SDK1: variants seen among roughly 807,000 people sequenced by gnomAD.
The protein encoded by SDK1 is sidekick cell adhesion molecule 1.
Under a neutral mutation model 245.5 loss-of-function variants are expected in SDK1, and 157 were observed. That is an observed-to-expected ratio of 0.64 (90% CI 0.56 to 0.73). SDK1 has a LOEUF of 0.73. Among genes scored for constraint, SDK1 ranks in the 30% least tolerant of loss-of-function variants. SDK1 has a pLI of 0.00. For synonymous variants in SDK1, 1,647 were observed against 1,278.5 expected (o/e 1.29, Z -6.15); for missense variants, 3,583 against 3,002.3 (o/e 1.19, Z -4.52).
chr7:4,268,183 C>G lies in SDK1; in HGVS notation c.*2799C>G, dbSNP rs559126164. ...AGTGGCTGAGTCTCCCCACCCACCC[C>G]CAACGTGGCTCATTTCAGATTGCTT... On this transcript the variant is annotated 3_prime_UTR_variant, in exon 45 of 45. Coordinates refer to ENST00000404826, the MANE Select transcript of SDK1 (RefSeq NM_152744.4). 12 of 987,406 alleles carry G rather than the reference C, an allele frequency of 1.2e-5. No homozygotes were observed. The South Asian group carries it at 1.4e-4, about 12-fold the overall frequency. 61.2% of individuals were successfully genotyped at this position (987,406 alleles called of 1,614,324 possible). A position where few individuals can be genotyped will look rare whatever the true frequency, so the allele number is the denominator to read the frequency against.
intron 1 of SDK1, among the ~76,000 whole-genome samples, chr7:3,322,233 A>G (rs1442488795): frequency 6.6e-6 from 1 of 152,138 alleles, no homozygotes; most frequent in Non-Finnish European, 1.5e-5. Context: ...AATATTTTAT[A>G]TACAGGAATA....
intron 5 of SDK1, among the ~76,000 whole-genome samples, chr7:3,913,196 C>T (rs1297195065): frequency 3.3e-5 from 5 of 152,196 alleles, no homozygotes; most frequent in Non-Finnish European, 7.3e-5. Flanking sequence ...CAGCTCCTGG[C>T]TCGCGCTAAG....
At chr7:4,119,181 G>T (rs1408756354) in intron 25 of SDK1, among the ~76,000 whole-genome samples, 1 of 148,660 alleles carries the variant, frequency 6.7e-6, no homozygotes, top group Non-Finnish European at 1.5e-5. Flanking sequence ...TGGGGGCTGT[G>T]ATTCGTACCT....
At chr7:4,092,657 G>A (rs993678344) in intron 22 of SDK1, among the ~76,000 whole-genome samples, 2 of 152,164 alleles carry the variant, frequency 1.3e-5, no homozygotes, top group Non-Finnish European at 2.9e-5. Context: ...GAAAGACTCC[G>A]GAGCACATGG....
At chr7:3,875,327 C>G (rs1188794992) in intron 5 of SDK1, among the ~76,000 whole-genome samples, 3 of 152,214 alleles carry the variant, frequency 2.0e-5, no homozygotes, top group African/African-American at 4.8e-5. Flanking sequence ...CTCTCTACCT[C>G]TAGGAGCTGA....
Position 3,328,501 on chromosome 7 carries a change from C to G in SDK1, c.298+26617C>G, listed in dbSNP as rs529034922. ...ACAGAAAGGAAAGGCAGTATGATTT[C>G]TAAAATATTTACTTATATATATAAA... On this transcript the variant is annotated intron_variant, in intron 1 of 44. Coordinates refer to ENST00000404826, the MANE Select transcript of SDK1 (RefSeq NM_152744.4). 5.3e-4 allele frequency among the ~76,000 whole-genome samples: 81 copies of G among 151,980 alleles called. 1 individual carries two copies. Among genetic ancestry groups the G allele is most frequent in the African/African-American group, 1.8e-3 (76 of 41,492 alleles).
chr7:3,322,961 C>T (rs1041470280), intron 1 of SDK1, among the ~76,000 whole-genome samples: 3 of 152,068 alleles, frequency 2.0e-5, no homozygotes, highest in East Asian at 3.9e-4. Context: ...AGGTGTGTGC[C>T]GCCACACCTG....
intron 7 of SDK1, among the ~76,000 whole-genome samples, chr7:3,957,500 A>G (rs1425563597): frequency 6.6e-6 from 1 of 152,212 alleles, no homozygotes; most frequent in African/African-American, 2.4e-5. Flanking sequence ...TCAACTAAGA[A>G]GAGGAAAACT....
At chr7:4,161,746 AACC>A in intron 31 of SDK1, 37 bp from the exon 32 acceptor site, 2 of 1,568,674 alleles carry the variant, frequency 1.3e-6, no homozygotes, top group Non-Finnish European at 1.8e-6. Flanking sequence ...AGAACATAAC[AACC>A]ACCCTGACCC....
chr7:3,994,225 C>A (rs980136787), intron 14 of SDK1, among the ~76,000 whole-genome samples: 1 of 152,306 alleles, frequency 6.6e-6, no homozygotes, highest in Non-Finnish European at 1.5e-5. Context: ...TCTGCTAAGC[C>A]TCAGATTCTT....
intron 1 of SDK1, among the ~76,000 whole-genome samples, chr7:3,404,047 A>G (rs757248943): frequency 2.0e-5 from 3 of 151,446 alleles, no homozygotes; most frequent in Non-Finnish European, 4.4e-5. Flanking sequence ...TAAGTGAGCA[A>G]TAGCATTATG....
chr7:4,114,323 G>T (rs76744157), intron 25 of SDK1, 49 bp downstream of exon 25: 1 of 1,427,928 alleles, frequency 7.0e-7, no homozygotes, highest in South Asian at 1.3e-5. Context: ...TAGAGATGGG[G>T]CTGAGTGCCC....
chr7:3,416,022 A>G (rs530524851), intron 1 of SDK1, among the ~76,000 whole-genome samples: 1 of 152,320 alleles, frequency 6.6e-6, no homozygotes, highest in South Asian at 2.1e-4. Flanking sequence ...ACGACATGCT[A>G]ATAAAGCAGA....
In SDK1 at chr7:3,363,947, A is replaced by G. The variant is rs1156238056; in HGVS notation, c.298+62063A>G. Among the ~76,000 whole-genome samples, 5 of 152,320 alleles carry G rather than the reference A, an allele frequency of 3.3e-5. No homozygotes were observed. In the East Asian group the frequency reaches 9.7e-4, roughly 29 times the overall value. The stretch of plus-strand genomic sequence containing the variant: ...ATGTGTGAATGTGATCCAGTTTCAC[A>G]TCCTCATCATTATTTGGTGTTACCA... On this transcript the variant is annotated intron_variant, in intron 1 of 44. Coordinates refer to ENST00000404826, the MANE Select transcript of SDK1 (RefSeq NM_152744.4).
intron 5 of SDK1, among the ~76,000 whole-genome samples, chr7:3,937,603 C>G (rs1780205507): frequency 6.6e-6 from 1 of 152,242 alleles, no homozygotes. Context: ...ATCTTAGCCA[C>G]TCTGCCTAGC....
chr7:3,821,876 C>T (rs1249310277), intron 5 of SDK1, among the ~76,000 whole-genome samples: 1 of 151,940 alleles, frequency 6.6e-6, no homozygotes, highest in African/African-American at 2.4e-5. Context: ...TTGTTCCTAA[C>T]AACAAAGAAC....
chr7:3,417,902 G>A (rs958257045), intron 1 of SDK1, among the ~76,000 whole-genome samples: 1 of 152,010 alleles, frequency 6.6e-6, no homozygotes, highest in Non-Finnish European at 1.5e-5. Flanking sequence ...AAGGTGGTGG[G>A]GACGGAAGTG....
intron 35 of SDK1, among the ~76,000 whole-genome samples, chr7:4,202,428 T>C (rs1783942429): frequency 6.6e-6 from 1 of 152,196 alleles, no homozygotes; most frequent in African/African-American, 2.4e-5. Context: ...GCAGCCCCCG[T>C]GTGACTGGCC....
chr7:3,870,531 A>C (rs1780930752), intron 5 of SDK1, among the ~76,000 whole-genome samples: 1 of 152,158 alleles, frequency 6.6e-6, no homozygotes, highest in African/African-American at 2.4e-5. Flanking sequence ...CTTTTGAGGG[A>C]AGTCTCTAGC....
Sources: gnomAD v4.1 joint callset for allele counts (sites outside exome capture counted in the v4.1 genomes callset) on GRCh38, gnomAD v4.1.1 for gene constraint, MANE v1.5 for transcripts, NCBI Gene and HGNC (gene_info 2026-07-23, HGNC 2026-07-21) for gene names.